The following ASIC2 variants were observed in gnomAD, a reference collection of about 807,000 sequenced individuals.
ASIC2 encodes acid-sensing ion channel 2.
A neutral mutation model predicts 57.3 loss-of-function variants in ASIC2; 25 were observed. The observed-to-expected ratio is 0.44, with a 90% CI of 0.32 to 0.61. The LOEUF is 0.61. Among genes scored for constraint, ASIC2 ranks in the 20% least tolerant of loss-of-function variants. The pLI is 0.06. For synonymous variants in ASIC2, 319 were observed against 307.5 expected (o/e 1.04, Z -0.39); for missense variants, 641 against 738.1 (o/e 0.87, Z 1.52).
chr17:33,271,650 A>T (rs1904497397), intron 1 of ASIC2, among the ~76,000 whole-genome samples: 1 of 152,230 alleles, frequency 6.6e-6, no homozygotes, highest in African/African-American at 2.4e-5. Flanking sequence ...ATATATGCCA[A>T]ATTGGACCAT....
Position 33,292,439 on chromosome 17 carries a change from C to T in ASIC2, c.-324G>A, listed in dbSNP as rs953469308. The T allele has an allele frequency of 1.3e-5, 13 of 985,516 alleles. No homozygotes were observed. The African/African-American group carries it at 2.1e-4, about 16-fold the overall frequency. The allele number at this position is 985,516 out of a possible 1,614,324, so 61.0% of individuals were successfully genotyped here. On this transcript the variant is annotated 5_prime_UTR_variant, in exon 1 of 10. Transcript: ENST00000225823. ...CCCGGCACTACTTCTGGAGGGGTCC[C>T]ACTGGGAGCCGCCTCTCCAGTCCCT...
chr17:33,127,583 CTT>C (rs748372529), intron 1 of ASIC2, among the ~76,000 whole-genome samples: 5 of 152,180 alleles, frequency 3.3e-5, no homozygotes, highest in Non-Finnish European at 5.9e-5. Flanking sequence ...TTTCACAACT[CTT>C]TTTCTCAAAG....
intron 1 of ASIC2, among the ~76,000 whole-genome samples, chr17:34,009,267 G>A (rs911053986): frequency 6.6e-6 from 1 of 152,130 alleles, no homozygotes; most frequent in Non-Finnish European, 1.5e-5. Context: ...TCATCTAAAA[G>A]AACAACCATA....
At chr17:33,766,248 A>T (rs1202921282) in intron 1 of ASIC2, among the ~76,000 whole-genome samples, 1 of 152,222 alleles carries the variant, frequency 6.6e-6, no homozygotes, top group Non-Finnish European at 1.5e-5. Context: ...TGCCTAATTT[A>T]TGAGTTAAAC....
At chr17:33,771,705 C>T (rs1488819349) in intron 1 of ASIC2, among the ~76,000 whole-genome samples, 5 of 152,230 alleles carry the variant, frequency 3.3e-5, no homozygotes, top group Middle Eastern at 3.4e-3. Context: ...AGAGATCACT[C>T]GTGTTGTGGT....
chr17:33,243,642 A>T (rs1230971388), intron 1 of ASIC2, among the ~76,000 whole-genome samples: 1 of 152,222 alleles, frequency 6.6e-6, no homozygotes, highest in African/African-American at 2.4e-5. Context: ...TACAGGAACG[A>T]TCCCTCCGGG....
At chr17:33,732,489 G>A (rs1909772627) in intron 1 of ASIC2, among the ~76,000 whole-genome samples, 1 of 149,980 alleles carries the variant, frequency 6.7e-6, no homozygotes, top group Admixed American at 6.7e-5. Flanking sequence ...TAAGATGCAG[G>A]CGCTAAGGAA....
intron 1 of ASIC2, among the ~76,000 whole-genome samples, chr17:33,541,009 C>T (rs1478648386): frequency 6.6e-6 from 1 of 152,074 alleles, no homozygotes; most frequent in African/African-American, 2.4e-5. Flanking sequence ...TACATTCGCC[C>T]AGACTCCTGT....
At chr17:34,100,407 A>C (rs1910821749) in intron 1 of ASIC2, among the ~76,000 whole-genome samples, 1 of 152,182 alleles carries the variant, frequency 6.6e-6, no homozygotes, top group Non-Finnish European at 1.5e-5. Flanking sequence ...TCGTCACATC[A>C]TAATTCTCCA....
intron 1 of ASIC2, among the ~76,000 whole-genome samples, chr17:33,978,847 C>T (rs574565875): frequency 9.2e-5 from 14 of 152,144 alleles, no homozygotes; most frequent in African/African-American, 3.1e-4. Context: ...GGAGGGAGAG[C>T]GAGGAGGGCT....
chr17:33,057,077 A>C (rs1416043598), intron 3 of ASIC2, among the ~76,000 whole-genome samples: 1 of 152,170 alleles, frequency 6.6e-6, no homozygotes, highest in Non-Finnish European at 1.5e-5. Flanking sequence ...GATGAGCTAA[A>C]TTAGGGCTGT....
At chr17:33,450,120 A>G (rs1472405248) in intron 1 of ASIC2, among the ~76,000 whole-genome samples, 1 of 152,194 alleles carries the variant, frequency 6.6e-6, no homozygotes, top group Non-Finnish European at 1.5e-5. Flanking sequence ...AAACTTAAAA[A>G]TGGTAGAAAC....
intron 1 of ASIC2, among the ~76,000 whole-genome samples, chr17:34,089,676 G>C (rs187121284): frequency 8.9e-4 from 135 of 152,106 alleles, no homozygotes; most frequent in African/African-American, 3.2e-3. Flanking sequence ...TAGCCCCCAA[G>C]CCCCCATTTG....
chr17:33,337,546 A>G (rs1328907712), intron 1 of ASIC2, among the ~76,000 whole-genome samples: 1 of 152,216 alleles, frequency 6.6e-6, no homozygotes, highest in Non-Finnish European at 1.5e-5. Flanking sequence ...GGGGATAGTA[A>G]TGCTTTTAGC....
Position 33,292,778 on chromosome 17 carries a change from G to C in ASIC2, c.-663C>G, listed in dbSNP as rs1905552184. On this transcript the variant is annotated 5_prime_UTR_variant, in exon 1 of 10. Coordinates refer to ENST00000225823, the MANE Select transcript of ASIC2 (RefSeq NM_183377.2). ...GCCGCCTTCTTTCCCTTCCCCTCCA[G>C]GACCCTTCCTTGTTACTGCTCCCTG... 3.0e-6 allele frequency: 3 copies of C among 985,856 alleles called. No individual in the cohort carries two copies. The African/African-American group carries it at 5.2e-5, about 17-fold the overall frequency. 61.1% of individuals were successfully genotyped at this position (985,856 alleles called of 1,614,324 possible).
chr17:34,007,200 C>A (rs1252657848), intron 1 of ASIC2, among the ~76,000 whole-genome samples: 1 of 152,182 alleles, frequency 6.6e-6, no homozygotes, highest in East Asian at 1.9e-4. Flanking sequence ...GAGCTCAAGT[C>A]TCCTAACCTA....
intron 1 of ASIC2, among the ~76,000 whole-genome samples, chr17:34,153,146 A>T (rs1359423073): frequency 1.3e-5 from 2 of 152,192 alleles, no homozygotes; most frequent in Admixed American, 6.5e-5. Flanking sequence ...ATCAGCTAAG[A>T]GCTTGGAATA....
intron 1 of ASIC2, among the ~76,000 whole-genome samples, chr17:33,142,250 G>A (rs971911408): frequency 2.6e-5 from 4 of 152,238 alleles, no homozygotes; most frequent in Admixed American, 2.6e-4. Flanking sequence ...TGAGCTTTGA[G>A]AGGATGTGCT....
At chr17:33,197,465 C>G (rs1256878704) in intron 1 of ASIC2, among the ~76,000 whole-genome samples, 1 of 152,242 alleles carries the variant, frequency 6.6e-6, no homozygotes, top group East Asian at 1.9e-4. Context: ...ACCAGGCACT[C>G]ATATTCTCAA....
Sources: allele counts gnomAD v4.1 joint callset (sites outside exome capture counted in the v4.1 genomes callset), GRCh38; gene constraint gnomAD v4.1.1; transcripts MANE v1.5; gene names NCBI Gene and HGNC (gene_info 2026-07-23, HGNC 2026-07-21).